The following TKT variants were observed in gnomAD, a reference collection of about 807,000 sequenced individuals.
TKT encodes the protein epididymis luminal protein 107.
Under a neutral mutation model 63.9 loss-of-function variants are expected in TKT, and 47 were observed. The ratio of observed to expected loss-of-function variants is 0.74; its 90% CI spans 0.58 to 0.94. The LOEUF is 0.94. TKT is among the 40% of genes least tolerant of loss of function. TKT has a pLI of 0.00. For missense variants in TKT, 721 were observed against 846.2 expected (o/e 0.85, Z 1.84); for synonymous variants, 338 against 334.1 (o/e 1.01, Z -0.13).
intron 10 of TKT, chr3:53,228,650 G>A (rs1208372501): frequency 2.2e-5 from 11 of 502,808 alleles, no homozygotes; most frequent in Non-Finnish European, 3.6e-5. Flanking sequence ...CAGGAACCAC[G>A]CGCACTGGGT....
chr3:53,241,053 ACCCCCTACC>A (rs1406656661), intron 3 of TKT, 70 bp downstream of exon 3: 32 of 1,270,888 alleles, frequency 2.5e-5, no homozygotes, highest in Non-Finnish European at 3.4e-5. Flanking sequence ...CTCAGTGGGC[ACCCCCTACC>A]CCCGTCCCAC....
chr3:53,229,555 C>T (rs1434007142), intron 8 of TKT, 119 bp from the exon 9 acceptor site: 7 of 1,163,438 alleles, frequency 6.0e-6, no homozygotes, highest in East Asian at 2.6e-5. Flanking sequence ...CCTTTCTGGG[C>T]TTCTGAATAT....
intron 1 of TKT, among the ~76,000 whole-genome samples, chr3:53,247,090 C>G (rs1553681033): frequency 6.6e-6 from 1 of 151,078 alleles, no homozygotes; most frequent in Non-Finnish European, 1.5e-5. Context: ...ATTCAGGTGG[C>G]TCACGCCTAT....
chr3:53,228,969 T>C, intron 10 of TKT, 38 bp downstream of exon 10: 3 of 1,611,378 alleles, frequency 1.9e-6, no homozygotes, highest in Non-Finnish European at 1.7e-6. Flanking sequence ...TGGGAAGTGA[T>C]GGCTGCCAGC....
chr3:53,229,345 A>C lies in TKT; in HGVS notation c.1199T>G (p.Ile400Ser). Residue 400 changes from isoleucine to serine, a missense_variant, in exon 9 of 14, where the codon ATT (isoleucine) becomes AGT (serine). Coordinates refer to ENST00000462138, the MANE Select transcript of TKT (RefSeq NM_001064.4). ...AAFFTRAFDQIRMAAISESNI... is the reference protein window; with the variant it reads ...AAFFTRAFDQSRMAAISESNI... ...GCTCTCGGAGATGGCGGCCATGCGA[A>C]TCTGGTCAAAGGCCCGCGTGAAGAA... 6.2e-7 allele frequency: 1 copy of C among 1,613,922 alleles called. No homozygotes were observed. Among genetic ancestry groups the C allele is most frequent in the Non-Finnish European group, 8.5e-7 (1 of 1,179,926 alleles).
intron 1 of TKT, among the ~76,000 whole-genome samples, chr3:53,244,637 C>A (rs7646760): frequency 0.71 from 108,599 of 151,948 alleles, 39,467 homozygotes; most frequent in Non-Finnish European, 0.77. Flanking sequence ...AGCTCAACTT[C>A]CTAGCGGGCC....
intron 4 of TKT, among the ~76,000 whole-genome samples, chr3:53,239,495 G>T (rs1299418130): frequency 6.6e-6 from 1 of 151,912 alleles, no homozygotes; most frequent in Admixed American, 6.6e-5. Context: ...TTTTTGTAGA[G>T]AGAGTCTTGC....
intron 13 of TKT, 25 bp downstream of exon 13, chr3:53,226,727 CCCAG>C (rs782041886): frequency 9.9e-6 from 16 of 1,613,924 alleles, no homozygotes; most frequent in Middle Eastern, 1.7e-4. Flanking sequence ...CTGTCCCTTG[CCCAG>C]CCTGCCTGCC....
intron 13 of TKT, 64 bp from the exon 14 acceptor site, chr3:53,225,995 C>G: frequency 6.7e-7 from 1 of 1,502,742 alleles, no homozygotes; most frequent in African/African-American, 1.4e-5. Flanking sequence ...GGGCCCAGCC[C>G]TCTGTCAGCC....
intron 1 of TKT, among the ~76,000 whole-genome samples, chr3:53,248,313 C>G (rs180969706): frequency 1.3e-5 from 2 of 152,294 alleles, no homozygotes; most frequent in Admixed American, 1.3e-4. Context: ...ACAAAATGCA[C>G]TATGTCCACA....
At chr3:53,240,191 G>C in intron 4 of TKT, 60 bp downstream of exon 4, 1 of 1,517,134 alleles carries the variant, frequency 6.6e-7, no homozygotes, top group Non-Finnish European at 9.1e-7. Flanking sequence ...TGAAGGGTGG[G>C]TCACCCAAGG....
chr3:53,232,416 C>A (rs1170536136), intron 6 of TKT: 1 of 398,730 alleles, frequency 2.5e-6, no homozygotes, highest in Non-Finnish European at 4.4e-6. Context: ...AAGCCACAAC[C>A]CCTGAGAGCA....
intron 1 of TKT, among the ~76,000 whole-genome samples, chr3:53,245,431 TC>T (rs1469367254): frequency 3.9e-4 from 60 of 152,136 alleles, no homozygotes; most frequent in African/African-American, 1.4e-3. Flanking sequence ...CTCACAGGTT[TC>T]TATGCAAGAA....
At position 53,225,830 on chromosome 3, in the gene TKT, C is replaced by A; in HGVS notation, c.1798G>T (p.Glu600Ter). 1 of 1,614,130 alleles carries A rather than the reference C, an allele frequency of 6.2e-7. No homozygotes were observed. Among genetic ancestry groups the A allele is most frequent in the Non-Finnish European group, 8.5e-7 (1 of 1,180,018 alleles). ...NRVPRSGKPA[E>*]LLKMFGIDRD... ...TCGATACCAAACATCTTCAGCAGCT[C>A]AGCCGGCTTCCCACTTCTTGGTACC... The change falls in exon 14 of 14, where the codon GAG becomes TAG. Residue 600 changes from glutamate (E) to a stop codon, truncating the protein, a stop_gained. Transcript: ENST00000462138. LOFTEE classifies it high-confidence loss of function.
intron 1 of TKT, among the ~76,000 whole-genome samples, chr3:53,250,166 T>C (rs1027209059): frequency 6.6e-6 from 1 of 152,190 alleles, no homozygotes; most frequent in Non-Finnish European, 1.5e-5. Context: ...GAAATGCTGC[T>C]GCTGGGGCAA....
chr3:53,233,054 T>G (rs1278255956), intron 6 of TKT, 102 bp downstream of exon 6: 6 of 995,726 alleles, frequency 6.0e-6, no homozygotes, highest in Non-Finnish European at 9.2e-6. Flanking sequence ...GTGAGCTCAG[T>G]GAGCAGCAAG....
At chr3:53,244,520 C>T (rs1468811608) in intron 1 of TKT, among the ~76,000 whole-genome samples, 1 of 152,194 alleles carries the variant, frequency 6.6e-6, no homozygotes, top group Non-Finnish European at 1.5e-5. Context: ...GTGACACCAC[C>T]CACTCCTGCT....
intron 8 of TKT, 91 bp downstream of exon 8, chr3:53,230,366 C>T: frequency 3.2e-6 from 5 of 1,540,006 alleles, no homozygotes; most frequent in Non-Finnish European, 4.5e-6. Flanking sequence ...CTACAGCAGG[C>T]ACCTGGCTCT....
chr3:53,249,747 C>T (rs1265892387), intron 1 of TKT, among the ~76,000 whole-genome samples: 3 of 152,158 alleles, frequency 2.0e-5, no homozygotes, highest in Non-Finnish European at 4.4e-5. Flanking sequence ...CTCACCCCAG[C>T]TCCCAGCACA....
Sources: allele counts gnomAD v4.1 joint callset (sites outside exome capture counted in the v4.1 genomes callset), GRCh38; gene constraint gnomAD v4.1.1; transcripts MANE v1.5; gene names NCBI Gene and HGNC (gene_info 2026-07-23, HGNC 2026-07-21).